Variants in MYH6 observed in about 807,000 individuals in gnomAD.
MYH6 encodes myosin heavy chain 6, also known as myosin-6.
In MYH6, 126 loss-of-function variants were observed where a neutral mutation model predicts 223.2. The ratio of observed to expected loss-of-function variants is 0.56; its 90% CI spans 0.49 to 0.65. The LOEUF (loss-of-function observed/expected upper bound fraction) is 0.65, where lower values mean the gene tolerates loss of function less well. MYH6 is among the 30% of genes least tolerant of loss of function. MYH6 has a pLI of 0.00. For missense variants in MYH6, 2,040 were observed against 2,536.4 expected (o/e 0.80, Z 4.20); for synonymous variants, 978 against 1,010.2 (o/e 0.97, Z 0.61).
Position 23,386,023 on chromosome 14 carries a change from G to A in MYH6, c.5068C>T (p.Leu1690=), listed in dbSNP as rs370121893. 9.3e-6 allele frequency: 15 copies of A among 1,614,098 alleles called. No individual in the cohort carries two copies. The highest frequency in any genetic ancestry group is 1.6e-4 in the Middle Eastern group (1 of 6,084). Residue 1690 remains leucine (L), a synonymous_variant, in exon 34 of 39, where the codon CTG becomes TTG. Coordinates refer to ENST00000405093, the MANE Select transcript of MYH6 (RefSeq NM_002471.4). Reference sequence around the variant, plus strand: ...TCTGTCTGCTCCACCACGGCACGCAGCTCCTCCAGCTCAGCCTGCAGCAGG... The same window carrying A: ...TCTGTCTGCTCCACCACGGCACGCAACTCCTCCAGCTCAGCCTGCAGCAGG... The part of the protein sequence containing the change: ...NNLLQAELEE[L]RAVVEQTERS...
chr14:23,408,193 C>T lies in MYH6; in HGVS notation c.-47+60G>A, dbSNP rs574980708. On this transcript the variant is annotated intron_variant, in intron 1 of 38. Transcript: ENST00000405093. ...CACCCCACTCCTGGTGAAGGAGGTC[C>T]CTCACGGTGGGGGCTCTGTGGACGG... 2.6e-4 allele frequency: 258 copies of T among 979,192 alleles called. 1 individual carries two copies. In the African/African-American group the frequency reaches 4.3e-3, roughly 16 times the overall value. The allele number at this position is 979,192 out of a possible 1,614,324, so 60.7% of individuals were successfully genotyped here. A position where few individuals can be genotyped will look rare whatever the true frequency, so the allele number is the denominator to read the frequency against.
chr14:23,388,390 G>C, intron 29 of MYH6, 52 bp from the exon 30 acceptor site: 2 of 1,606,942 alleles, frequency 1.2e-6, no homozygotes, highest in Non-Finnish European at 1.7e-6. Flanking sequence ...GGCAACACTG[G>C]AGCCTTGGGT....
chr14:23,387,725 A>G (rs1423390083), intron 31 of MYH6, 33 bp downstream of exon 31: 1 of 1,612,912 alleles, frequency 6.2e-7, no homozygotes, highest in East Asian at 2.2e-5. Flanking sequence ...CCTCCCACCA[A>G]CTCATCTCTG....
rs1846619902 is a variant in MYH6, at chr14:23,404,741, A to G, written c.612T>C (p.Arg204=). The G allele has an allele frequency of 1.2e-6, 2 of 1,613,954 alleles. No individual in the cohort carries two copies. Among genetic ancestry groups the G allele is most frequent in the Admixed American group, 1.7e-5 (1 of 60,002 alleles). The change falls in exon 7 of 39, where the codon CGT becomes CGC. Residue 204 remains arginine (R), a synonymous_variant. Coordinates refer to ENST00000405093, the MANE Select transcript of MYH6 (RefSeq NM_002471.4). ...YFASIAAIGD[R]GKKDNANANK... ...TCGCATTGGCATTGTCCTTCTTGCCACGGTCACCTATGGCTGCAATGCTGG... is the reference window on the plus strand; with the variant it reads ...TCGCATTGGCATTGTCCTTCTTGCCGCGGTCACCTATGGCTGCAATGCTGG...
chr14:23,404,296 A>C lies in MYH6; in HGVS notation c.735T>G (p.Phe245Leu), dbSNP rs1263987728. 2 of 1,614,128 alleles carry C rather than the reference A, an allele frequency of 1.2e-6. No homozygotes were observed. Among genetic ancestry groups the C allele is most frequent in the Non-Finnish European group, 1.7e-6 (2 of 1,180,040 alleles). Residue 245 changes from phenylalanine (F) to leucine (L), a missense_variant and splice_region_variant, in exon 8 of 39, where the codon TTT (phenylalanine) becomes TTG (leucine). Physicochemically the swap from Phe to Leu is conservative, Grantham distance 22. Coordinates refer to ENST00000405093, the MANE Select transcript of MYH6 (RefSeq NM_002471.4). ...ACTGGGAGTGGTCAAAGGCACTCAC[A>C]AAGCGGGAGGAGTTGTCGTTCCGGA... ...KTVRNDNSSR[F>L]GKFIRIHFGA...
Position 23,392,543 on chromosome 14 carries a change from C to T in MYH6, c.3342+19G>A, listed in dbSNP as rs1416946280. 1 of 1,572,662 alleles carries T rather than the reference C, an allele frequency of 6.4e-7. No homozygotes were observed. Among genetic ancestry groups the T allele is most frequent in the Admixed American group, 1.7e-5 (1 of 59,928 alleles). On this transcript the variant is annotated intron_variant, in intron 25 of 38. Transcript: ENST00000405093. ...GGGCTATTGAGCTCCCACTTTCATGCACTGGGAAAAAAAGTCACCTGGTTT... is the reference window on the plus strand; with the variant it reads ...GGGCTATTGAGCTCCCACTTTCATGTACTGGGAAAAAAAGTCACCTGGTTT...
intron 38 of MYH6, 65 bp downstream of exon 38, chr14:23,382,362 AG>A: frequency 6.2e-7 from 1 of 1,606,864 alleles, no homozygotes; most frequent in Middle Eastern, 1.9e-4. Context: ...CCCACTCTGA[AG>A]GGCACCCATA....
chr14:23,401,707 C>T (rs942762690), intron 12 of MYH6, among the ~76,000 whole-genome samples: 6 of 152,240 alleles, frequency 3.9e-5, no homozygotes, highest in East Asian at 1.9e-4. Context: ...ACTGGCCATG[C>T]TGTCTTCTCC....
At chr14:23,389,103 C>A in intron 28 of MYH6, 48 bp from the exon 29 acceptor site, 1 of 1,548,620 alleles carries the variant, frequency 6.5e-7, no homozygotes, top group South Asian at 1.2e-5. Context: ...TCCCTGTGCC[C>A]CATTCTCTAG....
chr14:23,403,525 G>T, intron 9 of MYH6, 79 bp from the exon 10 acceptor site: 1 of 1,286,750 alleles, frequency 7.8e-7, no homozygotes, highest in Non-Finnish European at 1.1e-6. Context: ...TGGGGGCAGA[G>T]GGCAGGGGGC....
intron 15 of MYH6, among the ~76,000 whole-genome samples, chr14:23,397,962 T>TTCTTCC (rs1566512555): frequency 8.2e-5 from 10 of 121,584 alleles, no homozygotes; most frequent in African/African-American, 3.3e-4. Flanking sequence ...CTTCTTCTTC[T>TTCTTCC]TCTTCTTCTT....
rs753690274 is a variant in MYH6 at position 23,400,793 on chromosome 14, C to T, written c.1326G>A (p.Thr442=). The change falls in exon 13 of 39, where the codon ACG becomes ACA. Residue 442 remains threonine, a synonymous_variant. Transcript: ENST00000405093. Reference sequence around the variant, plus strand: ...TGGTCTCCAGGGTGGCGTTGATGCGCGTCACCATCCAGTTGAACATCTTCT... The same window carrying T: ...TGGTCTCCAGGGTGGCGTTGATGCGTGTCACCATCCAGTTGAACATCTTCT... The part of the protein sequence containing the change: ...VYEKMFNWMV[T]RINATLETKQ... 2.1e-5 allele frequency: 34 copies of T among 1,614,110 alleles called. No homozygotes were observed. Among genetic ancestry groups the T allele is most frequent in the Admixed American group, 6.7e-5 (4 of 60,002 alleles).
At chr14:23,393,188 A>G (rs548268689) in intron 23 of MYH6, 131 bp from the exon 24 acceptor site, 9 of 1,478,224 alleles carry the variant, frequency 6.1e-6, no homozygotes, top group African/African-American at 4.2e-5. Flanking sequence ...TGCAAGCACA[A>G]AGGATTCAGA....
chr14:23,390,023 G>A, intron 26 of MYH6, 34 bp downstream of exon 26: 2 of 1,613,548 alleles, frequency 1.2e-6, no homozygotes, highest in Middle Eastern at 1.7e-4. Context: ...CGCTGTGCAG[G>A]GGAGAGGGCG....
At position 23,403,342 on chromosome 14, in the gene MYH6, G is replaced by T. The variant is rs370158816; in HGVS notation, c.898+6C>A. ...GCAGTGGGTGGGGGGTGGCAGGCAG[G>T]TTCACCCAGCAACTCCGGCTTCTTG... is the stretch of plus-strand genomic sequence containing the variant. On this transcript the variant is annotated splice_donor_region_variant and intron_variant, in intron 10 of 38. Coordinates refer to ENST00000405093, the MANE Select transcript of MYH6 (RefSeq NM_002471.4). The T allele has an allele frequency of 4.8e-5, 78 of 1,612,272 alleles. No individual in the cohort carries two copies. Among genetic ancestry groups the T allele is most frequent in the Non-Finnish European group, 5.9e-5 (69 of 1,178,444 alleles).
chr14:23,385,889 C>T (rs765934039), intron 34 of MYH6, 39 bp downstream of exon 34: 11 of 1,613,990 alleles, frequency 6.8e-6, no homozygotes, highest in Non-Finnish European at 9.3e-6. Context: ...GGGCTCTGCA[C>T]TCAGTAGGTT....
intron 7 of MYH6, 75 bp from the exon 8 acceptor site, chr14:23,404,463 C>T (rs1891712970): frequency 5.1e-6 from 8 of 1,561,608 alleles, no homozygotes; most frequent in Admixed American, 1.7e-5. Context: ...AGGGAGGCTG[C>T]CCTGGCCCTG....
rs28730771 is a variant in MYH6, at chr14:23,390,401, C to T, written c.3388G>A (p.Ala1130Thr). Reference sequence around the variant, plus strand: ...CGCAGCTTCTCCACCTTAGCCCTGGCGGTGCGCTCGGCCTCCAGCTCCTCC... The same window carrying T: ...CGCAGCTTCTCCACCTTAGCCCTGGTGGTGCGCTCGGCCTCCAGCTCCTCC... ...LEEELEAERT[A>T]RAKVEKLRSD... is the part of the protein sequence containing the mutation. Residue 1130 changes from alanine (A) to threonine (T), a missense_variant, in exon 26 of 39, where the codon GCC becomes ACC. By Grantham distance (58) the Ala-to-Thr change is moderately conservative (BLOSUM62 0). Coordinates refer to ENST00000405093, the MANE Select transcript of MYH6 (RefSeq NM_002471.4). 0.11 allele frequency: 183,860 copies of T among 1,609,018 alleles called. 7,777 individuals carry two copies. Among genetic ancestry groups the T allele is most frequent in the Non-Finnish European group, 0.13 (151,739 of 1,178,396 alleles).
intron 9 of MYH6, 23 bp downstream of exon 9, chr14:23,403,692 G>A: frequency 2.5e-6 from 4 of 1,604,678 alleles, no homozygotes; most frequent in Non-Finnish European, 3.4e-6. Context: ...CTAGAGGGTG[G>A]CAGCCTCCCT....
Sources: gnomAD v4.1 joint callset for allele counts (sites outside exome capture counted in the v4.1 genomes callset) on GRCh38, gnomAD v4.1.1 for gene constraint, MANE v1.5 for transcripts, NCBI Gene and HGNC (gene_info 2026-07-23, HGNC 2026-07-21) for gene names.